The following FAM184B variants were observed in gnomAD, a reference collection of about 807,000 sequenced individuals.
FAM184B encodes the protein family with sequence similarity 184 member B.
FAM184B carries 111 observed loss-of-function variants against 135.9 expected under a neutral mutation model. The observed-to-expected ratio is 0.82, with a 90% CI of 0.70 to 0.96. The LOEUF is 0.96. FAM184B is among the 40% of genes least tolerant of loss of function. FAM184B has a pLI of 0.00. For missense variants in FAM184B, 1,375 were observed against 1,323.9 expected, an observed-to-expected ratio of 1.04 and a Z score of -0.60; for synonymous variants, 552 against 524.8, an observed-to-expected ratio of 1.05 and a Z score of -0.71.
At chr4:17,633,558 G>T in intron 17 of FAM184B, 131 bp downstream of exon 17, 1 of 808,642 alleles carries the variant, frequency 1.2e-6, no homozygotes, top group African/African-American at 1.8e-5. Flanking sequence ...AAGTGATTCA[G>T]TGTCCCTTGT....
At position 17,739,555 on chromosome 4, in the gene FAM184B, G is replaced by GTTTTTTTTTGTTTT. The variant is rs1553841417; in HGVS notation, c.142-29912_142-29911insAAAACAAAAAAAAA. 1.8e-4 allele frequency among the ~76,000 whole-genome samples: 11 copies of GTTTTTTTTTGTTTT among 62,510 alleles called. 3 individuals are homozygous for GTTTTTTTTTGTTTT. The highest frequency in any genetic ancestry group is 1.6e-3 in the South Asian group (2 of 1,280). 41.0% of individuals were successfully genotyped at this position (62,510 alleles called of 152,430 possible). ...CCCTACACCATATGTCATACCAACT[G>GTTTTTTTTTGTTTT]TTTTTTTTTTTTTTTTGAGATGGGG... On this transcript the variant is annotated intron_variant, in intron 1 of 17. Coordinates refer to ENST00000265018, the MANE Select transcript of FAM184B (RefSeq NM_015688.2).
chr4:17,781,412 G>T lies in FAM184B; in HGVS notation c.-113C>A. ...TGGGTTTCTCGGGAGAGGTGGCACT[G>T]CAGTCCCGTCGCCTGCACCGCCGCG... is the stretch of plus-strand genomic sequence containing the variant. On this transcript the variant is annotated 5_prime_UTR_variant, in exon 1 of 18. Transcript: ENST00000265018. This position sits in a 1 kb window ranked among gnomAD's most constrained non-coding sequence, Gnocchi z 6.5. The T allele has an allele frequency of 7.7e-7, 1 of 1,297,918 alleles. No homozygotes were observed. The highest frequency in any genetic ancestry group is 2.3e-4 in the Middle Eastern group (1 of 4,374). The allele number at this position is 1,297,918 out of a possible 1,614,324, so 80.4% of individuals were successfully genotyped here.
In FAM184B at chr4:17,668,555, C is replaced by T. The variant is rs144237534; in HGVS notation, c.1597-3896G>A. Among the ~76,000 whole-genome samples, 597 of 152,208 alleles carry T rather than the reference C, an allele frequency of 3.9e-3. 1 individual carries two copies. Among genetic ancestry groups the T allele is most frequent in the African/African-American group, 0.013 (557 of 41,522 alleles). ...GTTGTTTTTTGTTTTGTTTTTGAGACGGAGTCTTGCTCTGTCATCCAGGCT... is the reference window on the plus strand; with the variant it reads ...GTTGTTTTTTGTTTTGTTTTTGAGATGGAGTCTTGCTCTGTCATCCAGGCT... On this transcript the variant is annotated intron_variant, in intron 7 of 17. Coordinates refer to ENST00000265018, the MANE Select transcript of FAM184B (RefSeq NM_015688.2).
At position 17,639,247 on chromosome 4, in the gene FAM184B, T is replaced by TA; in HGVS notation, c.2666+2dup. On this transcript the variant is annotated splice_region_variant and intron_variant, in intron 14 of 17. Transcript: ENST00000265018. ...CCTCCCTGGGGCCCGAGGCCTCACT[T>TA]ACTCGGCTTCCAGGGCAGCCAGCCG... The TA allele has an allele frequency of 1.3e-6, 2 of 1,551,584 alleles. No individual in the cohort carries two copies.
intron 1 of FAM184B, among the ~76,000 whole-genome samples, chr4:17,760,075 CA>C (rs1718510968): frequency 6.6e-6 from 1 of 152,098 alleles, no homozygotes; most frequent in Non-Finnish European, 1.5e-5. Context: ...TCATGACATA[CA>C]AATTATCACC....
rs1368577515 is a variant in FAM184B at position 17,641,077 on chromosome 4, G to A, written c.2519+979C>T. Among the ~76,000 whole-genome samples, 2 of 152,142 alleles carry A rather than the reference G, an allele frequency of 1.3e-5. 1 individual carries two copies. Among genetic ancestry groups the A allele is most frequent in the Non-Finnish European group, 2.9e-5 (2 of 68,030 alleles). On this transcript the variant is annotated intron_variant, in intron 13 of 17. Coordinates refer to ENST00000265018, the MANE Select transcript of FAM184B (RefSeq NM_015688.2). Reference sequence around the variant, plus strand: ...ACCTCCCGAGTAGCCGGGACTGCAGGCATGCACCACCACGCTTGGCCAATT... The same window carrying A: ...ACCTCCCGAGTAGCCGGGACTGCAGACATGCACCACCACGCTTGGCCAATT...
intron 1 of FAM184B, among the ~76,000 whole-genome samples, chr4:17,776,566 A>T (rs1718930784): frequency 6.6e-6 from 1 of 151,854 alleles, no homozygotes; most frequent in African/African-American, 2.4e-5. Context: ...TTCTTTTCGT[A>T]TTTTTAGTAG....
At chr4:17,759,015 T>C (rs79728771) in intron 1 of FAM184B, among the ~76,000 whole-genome samples, 18 of 152,354 alleles carry the variant, frequency 1.2e-4, no homozygotes, top group Non-Finnish European at 2.2e-4. Context: ...AGTTTATCTT[T>C]TCTCAGAGAG....
chr4:17,770,639 T>C (rs1011811764), intron 1 of FAM184B, among the ~76,000 whole-genome samples: 1 of 152,168 alleles, frequency 6.6e-6, no homozygotes, highest in Admixed American at 6.6e-5. Flanking sequence ...AATTTTTTTG[T>C]ACTTTTACTA....
intron 7 of FAM184B, among the ~76,000 whole-genome samples, chr4:17,671,699 T>G (rs1716171753): frequency 6.6e-6 from 1 of 152,052 alleles, no homozygotes; most frequent in East Asian, 1.9e-4. Context: ...ATGATTTACC[T>G]GACGGAGAAT....
intron 5 of FAM184B, among the ~76,000 whole-genome samples, chr4:17,693,970 A>T (rs574328669): frequency 1.3e-5 from 2 of 152,108 alleles, no homozygotes; most frequent in Admixed American, 6.6e-5. Context: ...ATACATAAAT[A>T]AAATAAAATA....
chr4:17,705,609 C>A (rs1257740999), intron 4 of FAM184B, 143 bp downstream of exon 4: 7 of 1,018,134 alleles, frequency 6.9e-6, no homozygotes, highest in Non-Finnish European at 8.4e-6. Flanking sequence ...AGTAAGTTGG[C>A]TGGAATTCTA....
intron 10 of FAM184B, among the ~76,000 whole-genome samples, chr4:17,655,031 T>G (rs1715749820): frequency 6.6e-6 from 1 of 152,108 alleles, no homozygotes; most frequent in South Asian, 2.1e-4. Context: ...TTTTTTGTAG[T>G]GCTTAGTTCT....
At chr4:17,774,812 A>G (rs1456310674) in intron 1 of FAM184B, among the ~76,000 whole-genome samples, 2 of 152,134 alleles carry the variant, frequency 1.3e-5, no homozygotes, top group Non-Finnish European at 2.9e-5. Flanking sequence ...GAACATCCAC[A>G]TACTCTTTTA....
At chr4:17,710,894 G>A (rs1717252736) in intron 1 of FAM184B, among the ~76,000 whole-genome samples, 1 of 152,190 alleles carries the variant, frequency 6.6e-6, no homozygotes, top group African/African-American at 2.4e-5. Context: ...GGACATACTA[G>A]TGGAGATGGC....
intron 1 of FAM184B, among the ~76,000 whole-genome samples, chr4:17,713,148 T>G (rs1320927245): frequency 6.6e-6 from 1 of 152,204 alleles, no homozygotes. Flanking sequence ...CCATCCCCAG[T>G]GCCTGGCTCA....
chr4:17,764,965 C>T (rs1210329421), intron 1 of FAM184B, among the ~76,000 whole-genome samples: 2 of 152,100 alleles, frequency 1.3e-5, no homozygotes, highest in East Asian at 3.8e-4. Flanking sequence ...ACTCAGGAGG[C>T]TAAGGTGGGA....
chr4:17,761,134 C>A (rs933997084), intron 1 of FAM184B, among the ~76,000 whole-genome samples: 2 of 152,138 alleles, frequency 1.3e-5, no homozygotes, highest in East Asian at 1.9e-4. Flanking sequence ...GGGTGAGAAG[C>A]CTGCCCTAAG....
At chr4:17,695,230 A>G (rs1716829200) in intron 5 of FAM184B, among the ~76,000 whole-genome samples, 1 of 151,624 alleles carries the variant, frequency 6.6e-6, no homozygotes, top group South Asian at 2.1e-4. Context: ...TAGCACAATC[A>G]TGGCTCACTG....
Sources: allele counts gnomAD v4.1 joint callset (sites outside exome capture counted in the v4.1 genomes callset), GRCh38; gene constraint gnomAD v4.1.1; non-coding constraint Gnocchi (gnomAD v3.1); transcripts MANE v1.5; gene names NCBI Gene and HGNC (gene_info 2026-07-23, HGNC 2026-07-21).